The following PRPF6 variants were observed in gnomAD, a reference collection of about 807,000 sequenced individuals.
The protein encoded by PRPF6 is pre-mRNA processing factor 6.
PRPF6 carries 42 observed loss-of-function variants against 118.3 expected under a neutral mutation model. That is an observed-to-expected ratio of 0.35 (90% CI 0.28 to 0.46). The LOEUF is 0.46. Among genes scored for constraint, PRPF6 ranks in the 20% least tolerant of loss-of-function variants. The pLI is 1.00. For missense variants in PRPF6, 662 were observed against 1,255.7 expected (o/e 0.53, Z 7.15); for synonymous variants, 481 against 485.1 (o/e 0.99, Z 0.11).
chr20:63,999,549 C>A, intron 7 of PRPF6, 54 bp from the exon 8 acceptor site: 1 of 1,607,310 alleles, frequency 6.2e-7, no homozygotes, highest in Non-Finnish European at 8.5e-7. Flanking sequence ...TCCCAGGTCT[C>A]GGGTGCACCC....
chr20:63,984,336 C>T (rs2059084252), intron 2 of PRPF6, among the ~76,000 whole-genome samples: 1 of 151,796 alleles, frequency 6.6e-6, no homozygotes, highest in Non-Finnish European at 1.5e-5. Context: ...CAGAAGAATG[C>T]TGTGAACCCG....
At position 64,026,722 on chromosome 20, in the gene PRPF6, C is replaced by T. The variant is rs1262707346; in HGVS notation, c.2029-260C>T. Among the ~76,000 whole-genome samples, 2 of 152,092 alleles carry T rather than the reference C, an allele frequency of 1.3e-5. No individual in the cohort carries two copies. Among genetic ancestry groups the T allele is most frequent in the Admixed American group, 1.3e-4 (2 of 15,262 alleles). On this transcript the variant is annotated intron_variant, in intron 15 of 20. Coordinates refer to ENST00000266079, the MANE Select transcript of PRPF6 (RefSeq NM_012469.4). The surrounding 1 kb of genome is among the most constrained non-coding windows in gnomAD (Gnocchi z 4.4). ...GGCTGAGGCAGGAGAATGGTGTGAA[C>T]CCAGCAGGTGGAGCTTGCAGTGAGC...
intron 1 of PRPF6, among the ~76,000 whole-genome samples, chr20:63,981,863 C>T (rs1156805283): frequency 6.6e-6 from 1 of 151,912 alleles, no homozygotes; most frequent in Non-Finnish European, 1.5e-5. Context: ...TTTGCTATTA[C>T]CATAAATAAG....
At chr20:64,031,790 G>C (rs816934) in intron 19 of PRPF6, 128 bp from the exon 20 acceptor site, 69,627 of 1,275,856 alleles carry the variant, frequency 0.055, 2,176 homozygotes, top group Middle Eastern at 0.12. Flanking sequence ...CTGATCCTCA[G>C]GCCTTCTTGA....
Position 64,023,958 on chromosome 20 carries a change from C to T in PRPF6, c.1770-597C>T, listed in dbSNP as rs748285055. ...AGCACGGTTGCTTTGCTGGCCCTTG[C>T]TCCACACAGTGTGATTGTGTGTGGT... is the stretch of plus-strand genomic sequence containing the variant. On this transcript the variant is annotated intron_variant, in intron 13 of 20. Coordinates refer to ENST00000266079, the MANE Select transcript of PRPF6 (RefSeq NM_012469.4). Among the ~76,000 whole-genome samples, 87 of 152,290 alleles carry T rather than the reference C, an allele frequency of 5.7e-4. No homozygotes were observed. The Middle Eastern group carries it at 0.01, about 18-fold the overall frequency.
chr20:64,020,911 C>T (rs958896083), intron 12 of PRPF6, among the ~76,000 whole-genome samples: 8 of 152,056 alleles, frequency 5.3e-5, no homozygotes, highest in Non-Finnish European at 1.0e-4. Context: ...CTCAGCCTCC[C>T]AAGTAGCTGG....
At chr20:64,000,774 G>A (rs2059163116) in intron 8 of PRPF6, among the ~76,000 whole-genome samples, 1 of 152,018 alleles carries the variant, frequency 6.6e-6, no homozygotes, top group Admixed American at 6.6e-5. Flanking sequence ...TTGCCATGTT[G>A]GCCAGGCTGG....
intron 12 of PRPF6, among the ~76,000 whole-genome samples, chr20:64,022,151 C>T (rs1180600581): frequency 1.3e-5 from 2 of 152,252 alleles, no homozygotes; most frequent in Admixed American, 6.5e-5. Context: ...GCCCCTTTTT[C>T]AGTGTTCTTG....
At chr20:64,024,714 T>TGGTGA in intron 14 of PRPF6, 21 bp downstream of exon 14, 1 of 1,609,370 alleles carries the variant, frequency 6.2e-7, no homozygotes, top group South Asian at 1.1e-5. Context: ...GTTGCCTGTG[T>TGGTGA]GGTGAGGGGC....
chr20:64,001,656 T>G (rs1392429462), intron 9 of PRPF6, among the ~76,000 whole-genome samples: 1 of 152,186 alleles, frequency 6.6e-6, no homozygotes, highest in Non-Finnish European at 1.5e-5. Context: ...TTTTCTCTCC[T>G]GAGAAGGCAC....
At chr20:64,008,787 G>T (rs996939061) in intron 9 of PRPF6, among the ~76,000 whole-genome samples, 1 of 152,154 alleles carries the variant, frequency 6.6e-6, no homozygotes. Flanking sequence ...TTCTCCAAAG[G>T]TGACTAATGG....
chr20:64,011,639 T>G lies in PRPF6; in HGVS notation c.1524+136T>G. 4.9e-6 allele frequency: 5 copies of G among 1,022,786 alleles called. No homozygotes were observed. Among genetic ancestry groups the G allele is most frequent in the Non-Finnish European group, 7.3e-6 (5 of 682,418 alleles). The allele number at this position is 1,022,786 out of a possible 1,614,324, so 63.4% of individuals were successfully genotyped here. ...AACCAGAAGCAGGCACAGGTGTGAA[T>G]GGGCCCTGAGGGACCTGGGCATGCC... is the stretch of plus-strand genomic sequence containing the variant. On this transcript the variant is annotated intron_variant, in intron 11 of 20. Coordinates refer to ENST00000266079, the MANE Select transcript of PRPF6 (RefSeq NM_012469.4). The surrounding 1 kb of genome is among the most constrained non-coding windows in gnomAD (Gnocchi z 6.7).
In PRPF6 at chr20:64,028,582, C is replaced by G; in HGVS notation, c.2431+13C>G. The stretch of plus-strand genomic sequence containing the variant: ...TGCCCCAACTCCGGTAAGGGGGTGC[C>G]CCGACTCCGGTAAGGGGGTGCCCTG... On this transcript the variant is annotated intron_variant, in intron 18 of 20. Transcript: ENST00000266079. The surrounding 1 kb of genome is among the most constrained non-coding windows in gnomAD (Gnocchi z 6.5). The G allele has an allele frequency of 6.2e-7, 1 of 1,608,018 alleles. No individual in the cohort carries two copies. The highest frequency in any genetic ancestry group is 1.3e-5 in the African/African-American group (1 of 74,644).
intron 4 of PRPF6, among the ~76,000 whole-genome samples, 181 bp downstream of exon 4, chr20:63,993,666 C>A (rs1480721142): frequency 6.7e-6 from 1 of 149,752 alleles, no homozygotes; most frequent in East Asian, 1.9e-4. Flanking sequence ...AAAAAAAAAC[C>A]CTTCCCCTAC....
chr20:64,026,082 G>T lies in PRPF6; in HGVS notation c.2028+24G>T. 8.1e-6 allele frequency: 13 copies of T among 1,599,106 alleles called. No individual in the cohort carries two copies. The highest frequency in any genetic ancestry group is 1.1e-5 in the Non-Finnish European group (13 of 1,179,442). On this transcript the variant is annotated intron_variant, in intron 15 of 20. Coordinates refer to ENST00000266079, the MANE Select transcript of PRPF6 (RefSeq NM_012469.4). This position sits in a 1 kb window ranked among gnomAD's most constrained non-coding sequence, Gnocchi z 4.4. ...GGGTACGCAGTGGCAGGCAGGGCTG[G>T]GCCGTCTGGGGTGCATGGTGTGCAC...
At position 64,001,220 on chromosome 20, in the gene PRPF6, G is replaced by A; in HGVS notation, c.1167G>A (p.Lys389=). ...AGCTGGAAACGGACATTCGTGCAAA[G>A]AAGCGGGTTCTTCGGAAAGGTGAGC... ...AAELETDIRA[K]KRVLRKALEH... The change falls in exon 9 of 21, where the codon AAG becomes AAA. Residue 389 remains lysine (K), a synonymous_variant. Transcript: ENST00000266079. 8.1e-6 allele frequency: 13 copies of A among 1,614,250 alleles called. No homozygotes were observed. Among genetic ancestry groups the A allele is most frequent in the Non-Finnish European group, 1.1e-5 (13 of 1,180,042 alleles).
rs901444775 is a variant in PRPF6, at chr20:64,029,056, A to C, written c.2432-321A>C. On this transcript the variant is annotated intron_variant, in intron 18 of 20. Transcript: ENST00000266079. This position sits in a 1 kb window ranked among gnomAD's most constrained non-coding sequence, Gnocchi z 4.8. The stretch of plus-strand genomic sequence containing the variant: ...GTGGCGGGCGCCTGTAATCCCAGCT[A>C]CTCGGGAGGCTGAGGCAGGAGAATT... Among the ~76,000 whole-genome samples, 5 of 152,052 alleles carry C rather than the reference A, an allele frequency of 3.3e-5. No individual in the cohort carries two copies. The highest frequency in any genetic ancestry group is 7.4e-5 in the Non-Finnish European group (5 of 68,000).
At chr20:64,020,987 A>G (rs917385515) in intron 12 of PRPF6, among the ~76,000 whole-genome samples, 5 of 152,204 alleles carry the variant, frequency 3.3e-5, no homozygotes, top group Non-Finnish European at 7.3e-5. Context: ...GGGTTTTACC[A>G]TGTTGGTCAG....
At position 64,016,664 on chromosome 20, in the gene PRPF6, T is replaced by C. The variant is rs934418201; in HGVS notation, c.1525-59T>C. 4.4e-6 allele frequency: 7 copies of C among 1,606,512 alleles called. No individual in the cohort carries two copies. In the East Asian group the frequency reaches 6.7e-5, roughly 15 times the overall value. ...CCGTTCAGGAACTCCGTACTCCCCG[T>C]TGGGAATCTGCAGCTCTGATTTCCA... is the stretch of plus-strand genomic sequence containing the variant. On this transcript the variant is annotated intron_variant, in intron 11 of 20. Coordinates refer to ENST00000266079, the MANE Select transcript of PRPF6 (RefSeq NM_012469.4).
Sources: gnomAD v4.1 joint callset for allele counts (sites outside exome capture counted in the v4.1 genomes callset) on GRCh38, gnomAD v4.1.1 for gene constraint, Gnocchi (gnomAD v3.1) non-coding constraint, MANE v1.5 for transcripts, NCBI Gene and HGNC (gene_info 2026-07-23, HGNC 2026-07-21) for gene names.